ARID5B: variants seen among roughly 807,000 people sequenced by gnomAD.
ARID5B encodes the protein AT-rich interaction domain 5B, also known as AT-rich interactive domain-containing protein 5B.
ARID5B carries 13 observed loss-of-function variants against 97.2 expected under a neutral mutation model. That is an observed-to-expected ratio of 0.13 (90% CI 0.09 to 0.21). ARID5B has a LOEUF of 0.21. Among genes scored for constraint, ARID5B ranks in the 10% least tolerant of loss-of-function variants. The pLI, the probability that ARID5B is intolerant of heterozygous loss-of-function variation, is 1.00. For missense variants in ARID5B, 1,210 were observed against 1,465.3 expected (o/e 0.83, Z 2.84); for synonymous variants, 556 against 570.3 (o/e 0.97, Z 0.36).
chr10:62,068,941 T>C (rs1840027682), intron 7 of ARID5B, among the ~76,000 whole-genome samples: 2 of 152,226 alleles, frequency 1.3e-5, no homozygotes. Context: ...TTTTATTCAC[T>C]CAACTCAATA....
chr10:62,086,001 T>C (rs1459635288), intron 9 of ARID5B, 101 bp downstream of exon 9: 2 of 1,268,506 alleles, frequency 1.6e-6, no homozygotes, highest in East Asian at 4.7e-5. Flanking sequence ...CACAGTTGGA[T>C]GGCTTGATGA....
At chr10:61,931,258 A>T (rs1844205502) in intron 2 of ARID5B, among the ~76,000 whole-genome samples, 2 of 152,224 alleles carry the variant, frequency 1.3e-5, no homozygotes, top group African/African-American at 4.8e-5. Context: ...TAAAACTGAG[A>T]AATAATTTTA....
At position 62,092,123 on chromosome 10, in the gene ARID5B, T is replaced by C. The variant is rs1385018447; in HGVS notation, c.2660T>C (p.Leu887Pro). Residue 887 changes from leucine (L) to proline (P), a missense_variant, in exon 10 of 10, where the codon CTG (leucine) becomes CCG (proline). Leu to Pro is a moderately conservative substitution (Grantham distance 98, BLOSUM62 -3). Around this residue, in one of 8 missense-constraint regions of ARID5B, gnomAD observed 800 missense variants for 839.1 expected, o/e 0.95. Coordinates refer to ENST00000279873, the MANE Select transcript of ARID5B (RefSeq NM_032199.3). ...CTCCATGTAAATTATCTCACGTCCC[T>C]GCACCTGCAAGACAAAAAGTCGGCG... ...EKLHVNYLTS[L>P]HLQDKKSAAA... The C allele has an allele frequency of 1.2e-6, 2 of 1,609,994 alleles. No homozygotes were observed. The highest frequency in any genetic ancestry group is 1.1e-5 in the South Asian group (1 of 90,548).
intron 3 of ARID5B, among the ~76,000 whole-genome samples, chr10:61,978,615 T>A (rs1186435421): frequency 6.6e-6 from 1 of 152,212 alleles, no homozygotes; most frequent in Non-Finnish European, 1.5e-5. Flanking sequence ...TTATTCTCTT[T>A]GAAGCAATTG....
At chr10:62,044,301 T>C (rs1839677048) in intron 4 of ARID5B, among the ~76,000 whole-genome samples, 1 of 152,066 alleles carries the variant, frequency 6.6e-6, no homozygotes, top group East Asian at 1.9e-4. Flanking sequence ...TGTCTGCTCT[T>C]GATGACATTT....
intron 3 of ARID5B, among the ~76,000 whole-genome samples, chr10:61,983,817 G>T (rs1380941548): frequency 6.7e-6 from 1 of 149,790 alleles, no homozygotes; most frequent in Non-Finnish European, 1.5e-5. Flanking sequence ...TTTTTCTTCT[G>T]CATGAACCCA....
At chr10:62,014,410 G>C (rs1013833493) in intron 4 of ARID5B, among the ~76,000 whole-genome samples, 1 of 152,188 alleles carries the variant, frequency 6.6e-6, no homozygotes, top group Non-Finnish European at 1.5e-5. Flanking sequence ...GTGCTGACAG[G>C]AGGCAGCGTG....
chr10:61,964,085 G>A (rs1291444318), intron 3 of ARID5B, among the ~76,000 whole-genome samples: 1 of 152,096 alleles, frequency 6.6e-6, no homozygotes, highest in Admixed American at 6.6e-5. Flanking sequence ...AGATGTAGTG[G>A]GGAGAGAATC....
intron 8 of ARID5B, among the ~76,000 whole-genome samples, chr10:62,083,441 C>T (rs1220333317): frequency 6.6e-6 from 1 of 152,110 alleles, no homozygotes; most frequent in African/African-American, 2.4e-5. Context: ...CTCTCAGAAC[C>T]CAGAGTGAGG....
chr10:61,993,763 C>A (rs1024608636), intron 3 of ARID5B, among the ~76,000 whole-genome samples: 1 of 152,070 alleles, frequency 6.6e-6, no homozygotes, highest in African/African-American at 2.4e-5. Flanking sequence ...ATTGGAATAG[C>A]GCCAGGTATA....
In ARID5B at chr10:62,092,783, A is replaced by G. The variant is rs777981850; in HGVS notation, c.3320A>G (p.Lys1107Arg). Residue 1107 changes from lysine to arginine, a missense_variant, in exon 10 of 10, where the codon AAA (lysine) becomes AGA (arginine). Lys to Arg is a conservative substitution (Grantham distance 26). Transcript: ENST00000279873. ...AGYSHSLQYLKNQTVLSPLMQ... is the reference protein window; with the variant it reads ...AGYSHSLQYLRNQTVLSPLMQ... ...TATTCTCATTCTCTGCAGTACTTGA[A>G]AAACCAGACTGTGCTTTCTCCACTC... The G allele has an allele frequency of 6.2e-7, 1 of 1,614,166 alleles. No individual in the cohort carries two copies. Among genetic ancestry groups the G allele is most frequent in the East Asian group, 2.2e-5 (1 of 44,882 alleles).
intron 3 of ARID5B, among the ~76,000 whole-genome samples, chr10:61,971,100 T>A (rs1412877807): frequency 1.3e-5 from 2 of 152,230 alleles, no homozygotes; most frequent in African/African-American, 2.4e-5. Context: ...TTTGGCATCC[T>A]GCCTTTTGGC....
intron 3 of ARID5B, among the ~76,000 whole-genome samples, chr10:61,964,485 A>G (rs966645263): frequency 6.6e-6 from 1 of 152,192 alleles, no homozygotes; most frequent in Non-Finnish European, 1.5e-5. Context: ...AGTGCTCTTC[A>G]AAATGCACCA....
chr10:62,088,814 A>G (rs772391090), intron 9 of ARID5B, among the ~76,000 whole-genome samples: 4 of 152,222 alleles, frequency 2.6e-5, no homozygotes, highest in South Asian at 4.1e-4. Context: ...GGTGAACTCA[A>G]TGGAGATACA....
intron 3 of ARID5B, among the ~76,000 whole-genome samples, chr10:61,955,895 C>T (rs1838385653): frequency 6.6e-6 from 1 of 152,180 alleles, no homozygotes; most frequent in Non-Finnish European, 1.5e-5. Flanking sequence ...AAGTGATCCA[C>T]CCGCCTCAGC....
chr10:62,036,875 T>G (rs1278770309), intron 4 of ARID5B, among the ~76,000 whole-genome samples: 1 of 152,348 alleles, frequency 6.6e-6, no homozygotes, highest in South Asian at 2.1e-4. Context: ...AATGACTAGC[T>G]GGTGCCCGAG....
At chr10:62,014,485 C>T (rs1177871577) in intron 4 of ARID5B, among the ~76,000 whole-genome samples, 2 of 152,138 alleles carry the variant, frequency 1.3e-5, no homozygotes, top group East Asian at 1.9e-4. Context: ...GGGTAAAAGG[C>T]TTTGCTAGGT....
intron 6 of ARID5B, among the ~76,000 whole-genome samples, chr10:62,057,703 A>G (rs547852672): frequency 3.1e-4 from 47 of 152,380 alleles, no homozygotes; most frequent in African/African-American, 1.1e-3. Context: ...AAAGGAGGAC[A>G]TTTAAAGATG....
At chr10:62,063,369 T>C (rs1039791926) in intron 7 of ARID5B, among the ~76,000 whole-genome samples, 4 of 152,240 alleles carry the variant, frequency 2.6e-5, no homozygotes, top group Non-Finnish European at 5.9e-5. Context: ...GACATCTCTC[T>C]GGAATCCCTT....
Sources: allele counts gnomAD v4.1 joint callset (sites outside exome capture counted in the v4.1 genomes callset), GRCh38; gene constraint gnomAD v4.1.1; regional missense constraint gnomAD v4.1.1; transcripts MANE v1.5; gene names NCBI Gene and HGNC (gene_info 2026-07-23, HGNC 2026-07-21).